The following PXDN variants were observed in gnomAD, a reference collection of about 807,000 sequenced individuals.
PXDN encodes peroxidasin.
Under a neutral mutation model 140.3 loss-of-function variants are expected in PXDN, and 77 were observed. The observed-to-expected ratio is 0.55, with a 90% confidence interval of 0.46 to 0.66. The LOEUF is 0.66. Ranked by LOEUF, PXDN falls within the 30% of genes least tolerant of loss-of-function variation. The pLI, the probability that PXDN is intolerant of heterozygous loss-of-function variation, is 0.00. For synonymous variants in PXDN, 911 were observed against 857.4 expected, an observed-to-expected ratio of 1.06 and a Z score of -1.09; for missense variants, 1,838 against 2,039.5, an observed-to-expected ratio of 0.90 and a Z score of 1.90.
At chr2:1,655,067 G>A (rs1375551719) in intron 14 of PXDN, among the ~76,000 whole-genome samples, 1 of 142,542 alleles carries the variant, frequency 7.0e-6, no homozygotes, top group African/African-American at 2.6e-5. Flanking sequence ...ATACACACAG[G>A]CGCACACACA....
At chr2:1,635,732 C>T (rs534559717) in intron 21 of PXDN, 26 of 557,660 alleles carry the variant, frequency 4.7e-5, no homozygotes, top group Admixed American at 4.0e-4. Flanking sequence ...TTCCCACCAC[C>T]GTGCTGTCAA....
In PXDN at chr2:1,648,303, G is replaced by C; in HGVS notation, c.3477C>G (p.Ile1159Met). The C allele has an allele frequency of 1.2e-6, 2 of 1,613,954 alleles. No homozygotes were observed. Among genetic ancestry groups the C allele is most frequent in the Non-Finnish European group, 1.7e-6 (2 of 1,179,892 alleles). ...GGATCCCGTGGTCCCGGCCCCGCTGGATGTTGATGGCCGCCAGGTCCAGAG... is the reference window on the plus strand; with the variant it reads ...GGATCCCGTGGTCCCGGCCCCGCTGCATGTTGATGGCCGCCAGGTCCAGAG... ...TVALDLAAIN[I>M]QRGRDHGIPP... is the part of the protein sequence containing the mutation. Residue 1159 changes from isoleucine (I) to methionine (M), a missense_variant, in exon 17 of 23, where the codon ATC becomes ATG. Coordinates refer to ENST00000252804, the MANE Select transcript of PXDN (RefSeq NM_012293.3). This position sits in a 1 kb window ranked among gnomAD's most constrained non-coding sequence, Gnocchi z 8.9.
intron 8 of PXDN, among the ~76,000 whole-genome samples, chr2:1,674,143 G>A (rs1683641666): frequency 6.6e-6 from 1 of 152,184 alleles, no homozygotes; most frequent in Non-Finnish European, 1.5e-5. Context: ...TTTCGTTTCT[G>A]GTGAATTAAC....
chr2:1,741,829 G>C (rs985060000), intron 1 of PXDN, among the ~76,000 whole-genome samples: 1 of 152,150 alleles, frequency 6.6e-6, no homozygotes, highest in Non-Finnish European at 1.5e-5. Context: ...CTGGGAGAAA[G>C]CCGAAAGTGG....
chr2:1,719,834 T>TTG (rs36227356), intron 1 of PXDN, among the ~76,000 whole-genome samples: 8,403 of 108,164 alleles, frequency 0.078, 504 homozygotes, highest in African/African-American at 0.12. Context: ...CATGCGTGCA[T>TTG]TGTGTGTGTG....
intron 21 of PXDN, chr2:1,636,940 G>A (rs1205963646): frequency 6.6e-6 from 1 of 152,156 alleles, no homozygotes; most frequent in East Asian, 1.9e-4. Flanking sequence ...GACCACAGAC[G>A]GCACACACCC....
At chr2:1,744,208 C>T in intron 1 of PXDN, 48 bp downstream of exon 1, 1 of 1,430,932 alleles carries the variant, frequency 7.0e-7, no homozygotes, top group East Asian at 3.0e-5. Flanking sequence ...TCCCGGATCT[C>T]CACGAAGCCC....
intron 21 of PXDN, 33 bp from the exon 22 acceptor site, chr2:1,635,554 G>C: frequency 6.9e-7 from 1 of 1,455,534 alleles, no homozygotes; most frequent in Non-Finnish European, 9.5e-7. Context: ...CATTCATTGG[G>C]CACTTCAGAG....
At chr2:1,726,818 A>G (rs188659811) in intron 1 of PXDN, among the ~76,000 whole-genome samples, 2 of 152,150 alleles carry the variant, frequency 1.3e-5, no homozygotes, top group South Asian at 2.1e-4. Flanking sequence ...CTACTTGTTT[A>G]TTTATTTTTG....
Position 1,683,739 on chromosome 2 carries a change from G to C in PXDN, c.489-12C>G, listed in dbSNP as rs745346428. ...TGTTATGCAAAAATCTGTTGAAAGA[G>C]ATTTTATAACAAACCAATTTTGAAA... On this transcript the variant is annotated splice_polypyrimidine_tract_variant and intron_variant, in intron 5 of 22. Coordinates refer to ENST00000252804, the MANE Select transcript of PXDN (RefSeq NM_012293.3). 1.3e-6 allele frequency: 2 copies of C among 1,590,186 alleles called. No homozygotes were observed. The highest frequency in any genetic ancestry group is 1.7e-6 in the Non-Finnish European group (2 of 1,168,724).
In PXDN at chr2:1,639,722, C is replaced by G. The variant is rs1004177606; in HGVS notation, c.3953-300G>C. On this transcript the variant is annotated intron_variant, in intron 19 of 22. Transcript: ENST00000252804. This position sits in a 1 kb window ranked among gnomAD's most constrained non-coding sequence, Gnocchi z 5.0. ...TAACCACACCCTCGCGGAGTTCCCT[C>G]CACCCACAGATGGAGGCTCAGGCAC... Among the ~76,000 whole-genome samples, 1 of 152,170 alleles carries G rather than the reference C, an allele frequency of 6.6e-6. No homozygotes were observed. The highest frequency in any genetic ancestry group is 2.4e-5 in the African/African-American group (1 of 41,436).
chr2:1,642,923 T>C (rs775267401), intron 19 of PXDN, among the ~76,000 whole-genome samples: 1 of 152,252 alleles, frequency 6.6e-6, no homozygotes, highest in Non-Finnish European at 1.5e-5. Context: ...TGATAACATC[T>C]ATCTTCAGTC....
intron 7 of PXDN, 46 bp from the exon 8 acceptor site, chr2:1,677,090 C>T: frequency 6.7e-7 from 1 of 1,481,756 alleles, no homozygotes; most frequent in Non-Finnish European, 9.1e-7. Flanking sequence ...TAAACCATGA[C>T]ATGAAAATAA....
intron 12 of PXDN, among the ~76,000 whole-genome samples, 168 bp from the exon 13 acceptor site, chr2:1,662,352 AG>A (rs1032419177): frequency 1.3e-5 from 2 of 152,212 alleles, no homozygotes; most frequent in Non-Finnish European, 2.9e-5. Context: ...TGCACAGGGC[AG>A]GGGAGCCTGA....
chr2:1,742,260 G>C (rs10188708), intron 1 of PXDN, among the ~76,000 whole-genome samples: 52,151 of 152,126 alleles, frequency 0.34, 10,293 homozygotes, highest in East Asian at 0.58. Flanking sequence ...AGTTCTATAA[G>C]GGATTCGATC....
At chr2:1,679,100 G>GTGTGTA (rs1683801892) in intron 7 of PXDN, among the ~76,000 whole-genome samples, 1 of 151,456 alleles carries the variant, frequency 6.6e-6, no homozygotes, top group Non-Finnish European at 1.5e-5. Flanking sequence ...GTGTGTGTGT[G>GTGTGTA]TGTGTGTGTG....
At chr2:1,731,127 A>G (rs1056004739) in intron 1 of PXDN, among the ~76,000 whole-genome samples, 1 of 147,172 alleles carries the variant, frequency 6.8e-6, no homozygotes, top group Non-Finnish European at 1.5e-5. Flanking sequence ...ATCCTTGCCA[A>G]CAGAACACTG....
rs1008120271 is a variant in PXDN at position 1,639,851 on chromosome 2, G to A, written c.3953-429C>T. The stretch of plus-strand genomic sequence containing the variant: ...CTTAAAATTATGCTACACTCCCTAC[G>A]TCACACTGCCAGCCCCAGTGTCAGA... On this transcript the variant is annotated intron_variant, in intron 19 of 22. Transcript: ENST00000252804. The surrounding 1 kb of genome is among the most constrained non-coding windows in gnomAD (Gnocchi z 5.0). 1.3e-5 allele frequency among the ~76,000 whole-genome samples: 2 copies of A among 152,188 alleles called. No individual in the cohort carries two copies. The highest frequency in any genetic ancestry group is 2.9e-5 in the Non-Finnish European group (2 of 68,026).
intron 1 of PXDN, among the ~76,000 whole-genome samples, chr2:1,737,043 T>C (rs1310257576): frequency 1.3e-5 from 2 of 152,204 alleles, no homozygotes; most frequent in East Asian, 3.9e-4. Flanking sequence ...CGCAGCCTGC[T>C]TTCCCGTAAA....
Sources: allele counts gnomAD v4.1 joint callset (sites outside exome capture counted in the v4.1 genomes callset), GRCh38; gene constraint gnomAD v4.1.1; non-coding constraint Gnocchi (gnomAD v3.1); transcripts MANE v1.5; gene names NCBI Gene and HGNC (gene_info 2026-07-23, HGNC 2026-07-21).